The following ZNF223 variants were observed in gnomAD, a reference collection of about 807,000 sequenced individuals.
ZNF223 encodes Homo sapiens zinc finger protein 223.
ZNF223 carries 9 observed loss-of-function variants against 12.3 expected under a neutral mutation model. The observed-to-expected ratio is 0.73, with a 90% CI of 0.44 to 1.28. The LOEUF (loss-of-function observed/expected upper bound fraction) is 1.28, where lower values mean the gene tolerates loss of function less well. ZNF223 is among the 50% of genes most tolerant of loss of function. The probability of loss-of-function intolerance (pLI) is 0.00; values close to 1 mark genes in which losing one functional copy is unlikely to be tolerated. For missense variants in ZNF223, 506 were observed against 579.0 expected (o/e 0.87, Z 1.29); for synonymous variants, 171 against 195.2 (o/e 0.88, Z 1.03).
chr19:44,054,224 G>A (rs950955023), intron 1 of ZNF223, among the ~76,000 whole-genome samples: 1 of 151,340 alleles, frequency 6.6e-6, no homozygotes, highest in African/African-American at 2.4e-5. Flanking sequence ...CCAGGCTGGG[G>A]TACAATGGTG....
chr19:44,051,971 G>A, upstream of ZNF223: 1 of 152,236 alleles, frequency 6.6e-6, no homozygotes, highest in East Asian at 1.9e-4. Flanking sequence ...AGGGGGGCGG[G>A]TCCGGGGAAT....
Position 44,066,097 on chromosome 19 carries a change from C to A in ZNF223, c.269C>A (p.Pro90Gln). Residue 90 changes from proline (P) to glutamine (Q), a missense_variant, in exon 5 of 5, where the codon CCA becomes CAA. Coordinates refer to ENST00000434772, the MANE Select transcript of ZNF223 (RefSeq NM_013361.6). Reference protein sequence around the residue: ...GKIQPEMKTFPEAGPHEGWSC... With the variant: ...GKIQPEMKTFQEAGPHEGWSC... ...ATCCAACCTGAGATGAAGACTTTTC[C>A]AGAAGCAGGACCACATGAAGGGTGG... The A allele has an allele frequency of 1.3e-6, 2 of 1,599,778 alleles. No individual in the cohort carries two copies. Among genetic ancestry groups the A allele is most frequent in the Non-Finnish European group, 1.7e-6 (2 of 1,175,770 alleles).
Position 44,060,498 on chromosome 19 carries a change from A to G in ZNF223, c.59A>G (p.Glu20Gly). ...FKDVAVVFTE[E>G]ELGLLDLAQR... ...GATGTGGCAGTGGTCTTCACTGAGG[A>G]GGAGCTGGGGCTGCTGGACCTTGCC... The change falls in exon 3 of 5, where the codon GAG (glutamate) becomes GGG (glycine). Residue 20 changes from glutamate (E) to glycine (G), a missense_variant. Coordinates refer to ENST00000434772, the MANE Select transcript of ZNF223 (RefSeq NM_013361.6). The G allele has an allele frequency of 1.9e-6, 3 of 1,614,124 alleles. No individual in the cohort carries two copies. Among genetic ancestry groups the G allele is most frequent in the Non-Finnish European group, 2.5e-6 (3 of 1,180,008 alleles).
In ZNF223 at chr19:44,055,139, A is replaced by G. The variant is rs1213320746; in HGVS notation, c.-38A>G. On this transcript the variant is annotated 5_prime_UTR_variant, in exon 2 of 5. Coordinates refer to ENST00000434772, the MANE Select transcript of ZNF223 (RefSeq NM_013361.6). ...ATTCTGCTTTCCCTGGAACTGTGTCATTCAGGACTCTGCAAATTCCCTAAA... is the reference window on the plus strand; with the variant it reads ...ATTCTGCTTTCCCTGGAACTGTGTCGTTCAGGACTCTGCAAATTCCCTAAA... 3.1e-6 allele frequency: 5 copies of G among 1,611,998 alleles called. No homozygotes were observed. The highest frequency in any genetic ancestry group is 4.2e-6 in the Non-Finnish European group (5 of 1,178,538).
chr19:44,061,573 G>A (rs1156309046), intron 4 of ZNF223, among the ~76,000 whole-genome samples: 1 of 152,128 alleles, frequency 6.6e-6, no homozygotes, highest in Non-Finnish European at 1.5e-5. Context: ...CACCTTTCAG[G>A]TCCCTTGTGG....
At chr19:44,065,375 C>G (rs1008497077) in intron 4 of ZNF223, among the ~76,000 whole-genome samples, 1 of 152,110 alleles carries the variant, frequency 6.6e-6, no homozygotes. Context: ...TATGTTACTG[C>G]TTTCCCTTAG....
chr19:44,064,097 A>G (rs1976875198), intron 4 of ZNF223, among the ~76,000 whole-genome samples: 1 of 152,206 alleles, frequency 6.6e-6, no homozygotes. Flanking sequence ...GTTTTCATGC[A>G]TGTAGGTGTA....
intron 1 of ZNF223, among the ~76,000 whole-genome samples, chr19:44,053,370 A>G (rs1976725582): frequency 6.6e-6 from 1 of 152,138 alleles, no homozygotes; most frequent in African/African-American, 2.4e-5. Flanking sequence ...GCCGGAAAAC[A>G]TGTGAGCAAA....
rs962164796 is a variant in ZNF223, at chr19:44,055,134, G to A, written c.-43G>A. ...GCACAATTCTGCTTTCCCTGGAACT[G>A]TGTCATTCAGGACTCTGCAAATTCC... is the stretch of plus-strand genomic sequence containing the variant. On this transcript the variant is annotated 5_prime_UTR_variant, in exon 2 of 5. It adds an upstream start codon to the 5' untranslated region. Transcript: ENST00000434772. 5.0e-6 allele frequency: 8 copies of A among 1,609,294 alleles called. No homozygotes were observed. Among genetic ancestry groups the A allele is most frequent in the Non-Finnish European group, 4.2e-6 (5 of 1,176,510 alleles).
chr19:44,061,465 G>A (rs1160094853), intron 4 of ZNF223, among the ~76,000 whole-genome samples: 1 of 152,194 alleles, frequency 6.6e-6, no homozygotes, highest in African/African-American at 2.4e-5. Context: ...CGTGGCTCTA[G>A]TTTCCATTCC....
At chr19:44,052,806 A>C (rs1240025508) in intron 1 of ZNF223, among the ~76,000 whole-genome samples, 1 of 152,050 alleles carries the variant, frequency 6.6e-6, no homozygotes, top group African/African-American at 2.4e-5. Flanking sequence ...GGCTGGTTAT[A>C]GGGTTTCACA....
chr19:44,066,455 T>C lies in ZNF223; in HGVS notation c.627T>C (p.Cys209=). ...AGAAACTCTTTAAGTGTGACGTGTG[T>C]GGTAAGGAATTCAGTCAGAGTTTAC... is the stretch of plus-strand genomic sequence containing the variant. ...LGEKLFKCDV[C]GKEFSQSLHL... is the part of the protein sequence containing the mutation. Residue 209 remains cysteine, a synonymous_variant, in exon 5 of 5, where the codon TGT becomes TGC. Transcript: ENST00000434772. The C allele has an allele frequency of 6.2e-7, 1 of 1,614,212 alleles. No homozygotes were observed. The highest frequency in any genetic ancestry group is 8.5e-7 in the Non-Finnish European group (1 of 1,180,048).
intron 4 of ZNF223, among the ~76,000 whole-genome samples, chr19:44,062,295 G>A (rs1481560816): frequency 6.6e-6 from 1 of 152,150 alleles, no homozygotes; most frequent in African/African-American, 2.4e-5. Context: ...TATAACCTAT[G>A]TACATCCTCC....
At chr19:44,055,246 TTGTG>T in intron 2 of ZNF223, 55 bp downstream of exon 2, 1 of 1,597,370 alleles carries the variant, frequency 6.3e-7, no homozygotes, top group Non-Finnish European at 8.6e-7. Flanking sequence ...ACTCAGATTG[TTGTG>T]TGTTTTTCTC....
intron 2 of ZNF223, among the ~76,000 whole-genome samples, chr19:44,059,916 C>T (rs1377056430): frequency 6.6e-6 from 1 of 152,168 alleles, no homozygotes; most frequent in Non-Finnish European, 1.5e-5. Context: ...AGGGGATGTT[C>T]AGGAAAGCAT....
Position 44,059,966 on chromosome 19 carries a change from C to T in ZNF223, c.16-489C>T, listed in dbSNP as rs191136868. Among the ~76,000 whole-genome samples, 23 of 152,242 alleles carry T rather than the reference C, an allele frequency of 1.5e-4. 1 individual carries two copies. The highest frequency in any genetic ancestry group is 1.2e-3 in the South Asian group (6 of 4,826). ...AGTCAGGAGGACCTTTGTCAGTTAC[C>T]GCGGTGATCTGAACCGCAAATTACC... On this transcript the variant is annotated intron_variant, in intron 2 of 4. Transcript: ENST00000434772.
chr19:44,055,190 AG>A lies in ZNF223; in HGVS notation c.15+1del. 6.2e-7 allele frequency: 1 copy of A among 1,613,612 alleles called. No individual in the cohort carries two copies. The highest frequency in any genetic ancestry group is 8.5e-7 in the Non-Finnish European group (1 of 1,179,636). Reference protein sequence around the residue: MTMSKEAVTFKDVAV... With the variant: MTMSXEAVTFKDVAV... ...GTAGGAGGAAAAATGACCATGTCCA[AG>A]GTAAGTAGGACTTGCCTCTCTTACT... On this transcript the variant is annotated frameshift_variant and splice_region_variant, in exon 2 of 5. Coordinates refer to ENST00000434772, the MANE Select transcript of ZNF223 (RefSeq NM_013361.6). LOFTEE classifies it high-confidence loss of function.
At chr19:44,052,871 T>C (rs780611196) in intron 1 of ZNF223, among the ~76,000 whole-genome samples, 1 of 152,028 alleles carries the variant, frequency 6.6e-6, no homozygotes, top group Non-Finnish European at 1.5e-5. Context: ...ACCGATTACA[T>C]GTCAGATAGA....
chr19:44,052,097 A>G lies in ZNF223; in HGVS notation c.-167A>G, dbSNP rs534870519. On this transcript the variant is annotated 5_prime_UTR_variant, in exon 1 of 5. Coordinates refer to ENST00000434772, the MANE Select transcript of ZNF223 (RefSeq NM_013361.6). Reference sequence around the variant, plus strand: ...GAGCCATTTCTGCGTCTTGCAGGACATTTTGAACGAACCCCCTTTGCTTGA... The same window carrying G: ...GAGCCATTTCTGCGTCTTGCAGGACGTTTTGAACGAACCCCCTTTGCTTGA... 1.3e-5 allele frequency: 2 copies of G among 153,114 alleles called. No homozygotes were observed. Among genetic ancestry groups the G allele is most frequent in the Admixed American group, 1.3e-4 (2 of 15,278 alleles). The allele number at this position is 153,114 out of a possible 1,614,324, so 9.5% of individuals were successfully genotyped here. A position where few individuals can be genotyped will look rare whatever the true frequency, so the allele number is the denominator to read the frequency against.
Sources: allele counts gnomAD v4.1 joint callset (sites outside exome capture counted in the v4.1 genomes callset), GRCh38; gene constraint gnomAD v4.1.1; transcripts MANE v1.5; gene names NCBI Gene and HGNC (gene_info 2026-07-23, HGNC 2026-07-21).